The following PACRG variants were observed in gnomAD, a reference collection of about 807,000 sequenced individuals.
PACRG encodes parkin coregulated, also known as parkin coregulated gene protein.
In PACRG, 29 loss-of-function variants were observed where a neutral mutation model predicts 29.7. The observed-to-expected ratio is 0.98, with a 90% CI of 0.73 to 1.33. PACRG has a LOEUF of 1.33. Ranked by LOEUF, PACRG falls within the 40% of genes most tolerant of loss-of-function variation. The probability of loss-of-function intolerance (pLI) is 0.00; values close to 1 mark genes in which losing one functional copy is unlikely to be tolerated. For synonymous variants in PACRG, 116 were observed against 118.7 expected (o/e 0.98, Z 0.15); for missense variants, 279 against 316.2 (o/e 0.88, Z 0.89).
intron 4 of PACRG, among the ~76,000 whole-genome samples, chr6:163,253,760 G>A (rs1292118024): frequency 6.6e-6 from 1 of 152,206 alleles, no homozygotes. Flanking sequence ...CCCTCACCAG[G>A]TGCCTCCTTG....
At chr6:163,099,410 CAAGAG>C (rs1264957393) in intron 4 of PACRG, among the ~76,000 whole-genome samples, 1 of 152,194 alleles carries the variant, frequency 6.6e-6, no homozygotes, top group Non-Finnish European at 1.5e-5. Flanking sequence ...CATATTCGCC[CAAGAG>C]AAAATAGCGT....
intron 4 of PACRG, among the ~76,000 whole-genome samples, chr6:163,211,881 T>A (rs1024457969): frequency 7.2e-5 from 11 of 152,172 alleles, no homozygotes; most frequent in Non-Finnish European, 1.5e-4. Context: ...AGCCACCAAA[T>A]GGAGCTGAGC....
intron 2 of PACRG, among the ~76,000 whole-genome samples, chr6:162,931,175 T>G (rs187553120): frequency 6.6e-6 from 1 of 151,998 alleles, no homozygotes; most frequent in Non-Finnish European, 1.5e-5. Flanking sequence ...TTGAATTGTT[T>G]TCTTATTGAT....
chr6:163,108,210 G>A (rs1167783850), intron 4 of PACRG, among the ~76,000 whole-genome samples: 4 of 151,906 alleles, frequency 2.6e-5, no homozygotes, highest in Non-Finnish European at 4.4e-5. Context: ...GAGCTCTCAC[G>A]AGTTCTGGTT....
intron 1 of PACRG, among the ~76,000 whole-genome samples, chr6:162,752,852 TTGTA>T (rs1047704855): frequency 6.6e-6 from 1 of 152,200 alleles, no homozygotes; most frequent in Non-Finnish European, 1.5e-5. Context: ...TTGTTGAGAT[TTGTA>T]TGCTAGCTCT....
intron 4 of PACRG, among the ~76,000 whole-genome samples, chr6:163,227,354 C>T (rs1459095124): frequency 2.0e-5 from 3 of 152,166 alleles, no homozygotes; most frequent in Non-Finnish European, 4.4e-5. Flanking sequence ...GGATGGCACC[C>T]AGCCATGAGG....
intron 1 of PACRG, among the ~76,000 whole-genome samples, chr6:162,762,761 CACTG>C: frequency 6.6e-6 from 1 of 152,266 alleles, no homozygotes; most frequent in East Asian, 1.9e-4. Context: ...ACATATAGAA[CACTG>C]ACTAATCAAT....
In PACRG at chr6:163,300,859, C is replaced by A. The variant is rs1041885543; in HGVS notation, c.614-13968C>A. On this transcript the variant is annotated intron_variant, in intron 4 of 4. Transcript: ENST00000366888. The stretch of plus-strand genomic sequence containing the variant: ...GCTTCCTCTCGTGAGTTTAGTAGGG[C>A]CACGTCCACTGCTTCCCATGAGTTT... Among the ~76,000 whole-genome samples, 3 of 152,044 alleles carry A rather than the reference C, an allele frequency of 2.0e-5. No homozygotes were observed. In the East Asian group the frequency reaches 5.8e-4, roughly 29 times the overall value.
At chr6:163,144,034 G>A (rs1028571991) in intron 4 of PACRG, among the ~76,000 whole-genome samples, 12 of 152,010 alleles carry the variant, frequency 7.9e-5, no homozygotes, top group Admixed American at 2.0e-4. Flanking sequence ...TTTGAGACCA[G>A]CCTGGCCAAC....
chr6:162,749,685 T>C (rs1305663696), intron 1 of PACRG, among the ~76,000 whole-genome samples: 1 of 152,006 alleles, frequency 6.6e-6, no homozygotes, highest in Non-Finnish European at 1.5e-5. Context: ...CATGCCCAAC[T>C]GATTTTGTAT....
chr6:162,965,390 G>C (rs1330581732), intron 2 of PACRG, among the ~76,000 whole-genome samples: 2 of 152,188 alleles, frequency 1.3e-5, no homozygotes, highest in East Asian at 3.9e-4. Context: ...TCATAGCTCA[G>C]GATCTGGGAA....
chr6:163,131,405 T>A (rs1422270030), intron 4 of PACRG, among the ~76,000 whole-genome samples: 1 of 151,112 alleles, frequency 6.6e-6, no homozygotes, highest in Non-Finnish European at 1.5e-5. Flanking sequence ...CAGGGAAGAA[T>A]GCCCCGTGAA....
At chr6:163,152,433 T>G (rs1257287327) in intron 4 of PACRG, among the ~76,000 whole-genome samples, 1 of 152,230 alleles carries the variant, frequency 6.6e-6, no homozygotes, top group African/African-American at 2.4e-5. Flanking sequence ...AGAGCCAAAA[T>G]GCCCAAGAGA....
chr6:162,839,132 G>A (rs1789522454), intron 2 of PACRG, among the ~76,000 whole-genome samples: 1 of 130,266 alleles, frequency 7.7e-6, no homozygotes, highest in Non-Finnish European at 1.6e-5. Flanking sequence ...TGGGTCAAAT[G>A]GTATTTCTAG....
At chr6:162,787,574 G>A (rs1784572703) in intron 1 of PACRG, among the ~76,000 whole-genome samples, 2 of 60,416 alleles carry the variant, frequency 3.3e-5, no homozygotes, top group African/African-American at 1.3e-4. Flanking sequence ...GTGTGTGTGT[G>A]TGTGTGTGTA....
At chr6:162,805,841 CT>C (rs1786276021) in intron 1 of PACRG, among the ~76,000 whole-genome samples, 1 of 152,186 alleles carries the variant, frequency 6.6e-6, no homozygotes, top group Admixed American at 6.5e-5. Context: ...ATCTTCACTT[CT>C]AATTCTAGAC....
At chr6:163,095,945 A>G (rs1337002037) in intron 4 of PACRG, among the ~76,000 whole-genome samples, 1 of 152,174 alleles carries the variant, frequency 6.6e-6, no homozygotes, top group Non-Finnish European at 1.5e-5. Context: ...CTCATCTTTG[A>G]TAAATAAAGG....
intron 4 of PACRG, among the ~76,000 whole-genome samples, chr6:163,222,937 T>G (rs1781646248): frequency 6.6e-6 from 1 of 152,210 alleles, no homozygotes; most frequent in Non-Finnish European, 1.5e-5. Context: ...AGAAAGTTAA[T>G]GATTATGTAG....
chr6:163,246,705 T>A (rs995425452), intron 4 of PACRG, among the ~76,000 whole-genome samples: 7 of 152,224 alleles, frequency 4.6e-5, no homozygotes, highest in African/African-American at 1.7e-4. Context: ...TCTCATTCCT[T>A]GTTCAACATT....
Sources: allele counts gnomAD v4.1 joint callset (sites outside exome capture counted in the v4.1 genomes callset), GRCh38; gene constraint gnomAD v4.1.1; transcripts MANE v1.5; gene names NCBI Gene and HGNC (gene_info 2026-07-23, HGNC 2026-07-21).